The following BIRC2 variants were observed in gnomAD, a reference collection of about 807,000 sequenced individuals.
BIRC2 encodes the protein baculoviral IAP repeat-containing protein 2.
BIRC2 carries 18 observed loss-of-function variants against 60.9 expected under a neutral mutation model. The ratio of observed to expected loss-of-function variants is 0.30; its 90% confidence interval spans 0.20 to 0.44. The LOEUF is 0.44. BIRC2 is among the 20% of genes least tolerant of loss of function. The pLI is 1.00. For synonymous variants in BIRC2, 282 were observed against 247.7 expected (o/e 1.14, Z -1.30); for missense variants, 701 against 728.5 (o/e 0.96, Z 0.43).
chr11:102,358,991 C>A (rs927493175), intron 3 of BIRC2, among the ~76,000 whole-genome samples: 1 of 152,140 alleles, frequency 6.6e-6, no homozygotes, highest in Admixed American at 6.5e-5. Context: ...AGACTTCTGT[C>A]ATTTTGTAAT....
At position 102,378,057 on chromosome 11, in the gene BIRC2, A is replaced by G. The variant is rs1293492424; in HGVS notation, c.1731A>G (p.Lys577=). The G allele has an allele frequency of 5.6e-6, 9 of 1,613,630 alleles. No individual in the cohort carries two copies. Among genetic ancestry groups the G allele is most frequent in the African/African-American group, 1.3e-5 (1 of 74,914 alleles). The change falls in exon 9 of 9, where the codon AAA becomes AAG. Residue 577 remains lysine (K), a synonymous_variant. Coordinates refer to ENST00000227758, the MANE Select transcript of BIRC2 (RefSeq NM_001166.5). The part of the protein sequence containing the change: ...EERTCKVCMD[K]EVSVVFIPCG... ...GAACTTGTAAAGTGTGTATGGACAAAGAAGTTTCTGTTGTATTTATTCCTT... is the reference window on the plus strand; with the variant it reads ...GAACTTGTAAAGTGTGTATGGACAAGGAAGTTTCTGTTGTATTTATTCCTT...
At chr11:102,358,708 TCTC>T in intron 3 of BIRC2, among the ~76,000 whole-genome samples, 1 of 152,208 alleles carries the variant, frequency 6.6e-6, no homozygotes, top group Non-Finnish European at 1.5e-5. Context: ...TTGGCCCCTT[TCTC>T]ATTATATAAT....
chr11:102,356,576 C>T (rs963320699), intron 3 of BIRC2, among the ~76,000 whole-genome samples: 3 of 151,808 alleles, frequency 2.0e-5, no homozygotes, highest in African/African-American at 7.3e-5. Flanking sequence ...TATATTCCTT[C>T]TATAGCTAAA....
chr11:102,376,304 G>A (rs937700798), intron 6 of BIRC2, among the ~76,000 whole-genome samples: 6 of 152,200 alleles, frequency 3.9e-5, no homozygotes, highest in African/African-American at 1.4e-4. Flanking sequence ...GATAGCTCTT[G>A]TGCAAGTAGA....
chr11:102,374,139 T>A (rs1188052262), intron 6 of BIRC2, among the ~76,000 whole-genome samples: 1 of 150,214 alleles, frequency 6.7e-6, no homozygotes, highest in East Asian at 1.9e-4. Flanking sequence ...CAGAGTAATT[T>A]GATCGTCTGA....
At chr11:102,373,902 C>CTTCATTTCA (rs1461342120) in intron 6 of BIRC2, among the ~76,000 whole-genome samples, 1 of 146,744 alleles carries the variant, frequency 6.8e-6, no homozygotes, top group Non-Finnish European at 1.5e-5. Flanking sequence ...TCCCTTCTCG[C>CTTCATTTCA]TTCATTTCAT....
chr11:102,348,578 TTTTTG>T lies in BIRC2; in HGVS notation c.-1257-15_-1257-11del, dbSNP rs1373055768. 5.3e-6 allele frequency: 1 copy of T among 187,806 alleles called. No individual in the cohort carries two copies. The highest frequency in any genetic ancestry group is 2.4e-5 in the African/African-American group (1 of 41,950). 11.6% of individuals were successfully genotyped at this position (187,806 alleles called of 1,614,324 possible). On this transcript the variant is annotated splice_polypyrimidine_tract_variant and intron_variant, in intron 1 of 8. Transcript: ENST00000227758. ...ATGCACATACAGTTTTCTAAAATAC[TTTTTG>T]TTTTTTCTTTTCAGATTTACAACCC...
chr11:102,365,577 T>C (rs1476754833), intron 5 of BIRC2, among the ~76,000 whole-genome samples: 5 of 152,186 alleles, frequency 3.3e-5, no homozygotes, highest in Non-Finnish European at 7.3e-5. Flanking sequence ...GCTTTGTCGT[T>C]GTTTTTTCTT....
chr11:102,368,958 C>T (rs965963793), intron 6 of BIRC2, among the ~76,000 whole-genome samples: 2 of 151,396 alleles, frequency 1.3e-5, no homozygotes, highest in Admixed American at 6.6e-5. Context: ...GGATACTTTA[C>T]TCCCTAATCC....
At chr11:102,374,118 C>T (rs1458280470) in intron 6 of BIRC2, among the ~76,000 whole-genome samples, 2 of 148,126 alleles carry the variant, frequency 1.4e-5, no homozygotes, top group Non-Finnish European at 3.0e-5. Context: ...TTTGAATGTC[C>T]TCCTGTAGCT....
intron 4 of BIRC2, among the ~76,000 whole-genome samples, chr11:102,363,193 C>G (rs1161056721): frequency 6.6e-6 from 1 of 152,058 alleles, no homozygotes; most frequent in African/African-American, 2.4e-5. Flanking sequence ...TTGGTTTTTA[C>G]TTTTGTAACC....
intron 6 of BIRC2, among the ~76,000 whole-genome samples, chr11:102,374,842 G>A (rs565755853): frequency 1.3e-5 from 2 of 152,234 alleles, no homozygotes; most frequent in Admixed American, 6.5e-5. Context: ...AGGACCCTCC[G>A]AGCCAGGTGT....
In BIRC2 at chr11:102,350,758, CAAAT is replaced by C; in HGVS notation, c.895+12_895+15del. Reference sequence around the variant, plus strand: ...TGGTTTTTATTATGTGGGTAAGAAGCAAATAACTATACATTTTATCATTTTATTT... The same window carrying C: ...TGGTTTTTATTATGTGGGTAAGAAGCAACTATACATTTTATCATTTTATTT... On this transcript the variant is annotated intron_variant, in intron 2 of 8. Coordinates refer to ENST00000227758, the MANE Select transcript of BIRC2 (RefSeq NM_001166.5). The C allele has an allele frequency of 6.2e-7, 1 of 1,603,746 alleles. No individual in the cohort carries two copies. The highest frequency in any genetic ancestry group is 8.5e-7 in the Non-Finnish European group (1 of 1,175,576).
chr11:102,366,454 C>T (rs1951553745), intron 5 of BIRC2, among the ~76,000 whole-genome samples: 2 of 151,904 alleles, frequency 1.3e-5, no homozygotes, highest in East Asian at 1.9e-4. Context: ...GGAAGCTCCA[C>T]CCGCCGGGTT....
At chr11:102,374,805 T>A (rs1395834922) in intron 6 of BIRC2, among the ~76,000 whole-genome samples, 1 of 152,172 alleles carries the variant, frequency 6.6e-6, no homozygotes, top group African/African-American at 2.4e-5. Context: ...ACTGCTGTGC[T>A]AGCAATCAGC....
At chr11:102,353,785 A>G (rs940605990) in intron 3 of BIRC2, among the ~76,000 whole-genome samples, 1 of 142,238 alleles carries the variant, frequency 7.0e-6, no homozygotes, top group African/African-American at 2.7e-5. Flanking sequence ...CATGTGCTGT[A>G]CATTAGATCC....
At chr11:102,368,032 T>C (rs1163891396) in intron 5 of BIRC2, among the ~76,000 whole-genome samples, 1 of 152,228 alleles carries the variant, frequency 6.6e-6, no homozygotes. Context: ...AAGATACAGA[T>C]TCCTAATTCT....
intron 6 of BIRC2, among the ~76,000 whole-genome samples, chr11:102,375,341 A>G (rs1046268537): frequency 6.6e-6 from 1 of 152,230 alleles, no homozygotes; most frequent in African/African-American, 2.4e-5. Context: ...CGAAGGTTGC[A>G]TATGTATTGG....
chr11:102,367,787 C>G (rs575843002), intron 5 of BIRC2, among the ~76,000 whole-genome samples: 3 of 152,278 alleles, frequency 2.0e-5, no homozygotes, highest in South Asian at 2.1e-4. Flanking sequence ...AACTGATCTT[C>G]TATTTTACTA....
Sources: gnomAD v4.1 joint callset for allele counts (sites outside exome capture counted in the v4.1 genomes callset) on GRCh38, gnomAD v4.1.1 for gene constraint, MANE v1.5 for transcripts, NCBI Gene and HGNC (gene_info 2026-07-23, HGNC 2026-07-21) for gene names.